Variants in MYO16 observed in about 807,000 individuals in gnomAD.
MYO16 encodes the protein myosin XVI.
A neutral mutation model predicts 205.3 loss-of-function variants in MYO16; 94 were observed. That is an observed-to-expected ratio of 0.46 (90% confidence interval 0.39 to 0.54). The LOEUF is 0.54. Ranked by LOEUF, MYO16 falls within the 20% of genes least tolerant of loss-of-function variation. MYO16 has a pLI of 0.00. For missense variants in MYO16, 2,315 were observed against 2,387.5 expected (o/e 0.97, Z 0.63); for synonymous variants, 988 against 954.0 (o/e 1.04, Z -0.66).
At chr13:108,790,138 G>C (rs948654357) in intron 5 of MYO16, among the ~76,000 whole-genome samples, 1 of 152,194 alleles carries the variant, frequency 6.6e-6, no homozygotes, top group African/African-American at 2.4e-5. Context: ...TCGGGAGAGC[G>C]CGCAGCTGTG....
rs76765232 is a variant in MYO16, at chr13:108,962,895, G to T, written c.2227+400G>T. Among the ~76,000 whole-genome samples, 528 of 152,366 alleles carry T rather than the reference G, an allele frequency of 3.5e-3. 1 individual carries two copies. Among genetic ancestry groups the T allele is most frequent in the Admixed American group, 5.9e-3 (91 of 15,300 alleles). On this transcript the variant is annotated intron_variant, in intron 19 of 34. Coordinates refer to ENST00000457511, the MANE Select transcript of MYO16 (RefSeq NM_001198950.3). ...ACATATATAAACTGATAGGCATTGT[G>T]CCAAGTCCTATAAAAATTGTAGTGT...
chr13:109,034,642 A>C (rs1318120498), intron 23 of MYO16, among the ~76,000 whole-genome samples: 1 of 152,200 alleles, frequency 6.6e-6, no homozygotes, highest in Non-Finnish European at 1.5e-5. Flanking sequence ...TATTTTACAA[A>C]ATATTTTTAA....
Position 109,140,848 on chromosome 13 carries a change from A to G in MYO16, c.4636A>G (p.Thr1546Ala), listed in dbSNP as rs1417417850. The G allele has an allele frequency of 3.8e-6, 6 of 1,596,606 alleles. No individual in the cohort carries two copies. Among genetic ancestry groups the G allele is most frequent in the Admixed American group, 1.7e-5 (1 of 58,678 alleles). The change falls in exon 32 of 35, where the codon ACC (threonine) becomes GCC (alanine). Residue 1546 changes from threonine to alanine, a missense_variant. Transcript: ENST00000457511. The surrounding 1 kb of genome is among the most constrained non-coding windows in gnomAD (Gnocchi z 8.0). ...LEVKKLPVLE[T>A]NLKYPVQPEG... ...GGTGAAGAAGCTGCCAGTCCTGGAG[A>G]CCAACCTCAAGTACCCCGTGCAGCC...
At chr13:109,202,888 C>T (rs1375440537) in intron 34 of MYO16, among the ~76,000 whole-genome samples, 1 of 152,164 alleles carries the variant, frequency 6.6e-6, no homozygotes, top group Non-Finnish European at 1.5e-5. Context: ...CCCAGAAATA[C>T]ACCCAAATAC....
At chr13:108,979,408 G>A (rs1884380642) in intron 20 of MYO16, among the ~76,000 whole-genome samples, 1 of 151,724 alleles carries the variant, frequency 6.6e-6, no homozygotes, top group Non-Finnish European at 1.5e-5. Context: ...TTGTCTTTAT[G>A]TTCTTTCAGA....
At chr13:109,151,793 T>C (rs915632526) in intron 32 of MYO16, among the ~76,000 whole-genome samples, 3 of 152,162 alleles carry the variant, frequency 2.0e-5, no homozygotes, top group Non-Finnish European at 2.9e-5. Context: ...GGCAAAGCAA[T>C]GAGTGAAAAC....
At chr13:108,835,467 G>C (rs1003630447) in intron 9 of MYO16, among the ~76,000 whole-genome samples, 22 of 152,264 alleles carry the variant, frequency 1.4e-4, no homozygotes, top group Admixed American at 5.2e-4. Context: ...AGCAGCATGA[G>C]AACAGACTAA....
chr13:108,922,578 G>A (rs920207958), intron 16 of MYO16, among the ~76,000 whole-genome samples: 3 of 152,178 alleles, frequency 2.0e-5, no homozygotes, highest in Non-Finnish European at 2.9e-5. Context: ...CAGAGATGGC[G>A]AAGTCAATAA....
At chr13:108,926,501 G>A (rs557688987) in intron 16 of MYO16, among the ~76,000 whole-genome samples, 19 of 152,090 alleles carry the variant, frequency 1.2e-4, no homozygotes, top group Non-Finnish European at 2.4e-4. Context: ...AGGAGGCATC[G>A]TGCTCAGGCG....
At chr13:109,191,765 C>A (rs926060835) in intron 34 of MYO16, among the ~76,000 whole-genome samples, 4 of 152,190 alleles carry the variant, frequency 2.6e-5, no homozygotes, top group African/African-American at 9.7e-5. Flanking sequence ...CAGTTATGAA[C>A]TACGGCAAGA....
chr13:108,945,468 A>G (rs113158252), intron 16 of MYO16, among the ~76,000 whole-genome samples: 4,889 of 152,290 alleles, frequency 0.032, 93 homozygotes, highest in Non-Finnish European at 0.047. Flanking sequence ...TCTGAAACAC[A>G]TCCTTGACTA....
chr13:109,146,433 A>G (rs1047127343), intron 32 of MYO16, among the ~76,000 whole-genome samples: 1 of 152,178 alleles, frequency 6.6e-6, no homozygotes, highest in African/African-American at 2.4e-5. Flanking sequence ...ATCCTATTTC[A>G]TCTCTACTCC....
chr13:109,065,618 G>A (rs763911981), intron 27 of MYO16: 22 of 463,586 alleles, frequency 4.7e-5, no homozygotes, highest in African/African-American at 4.1e-4. Flanking sequence ...CTTTCCCAAA[G>A]CTGCCTTTAT....
At chr13:108,776,588 C>T (rs1293281509) in intron 4 of MYO16, among the ~76,000 whole-genome samples, 1 of 152,106 alleles carries the variant, frequency 6.6e-6, no homozygotes. Flanking sequence ...TGTAGCACTC[C>T]AATAAAACTG....
chr13:108,633,871 C>T (rs916586057), intron 1 of MYO16, among the ~76,000 whole-genome samples: 14 of 152,290 alleles, frequency 9.2e-5, no homozygotes, highest in Admixed American at 9.2e-4. Flanking sequence ...ACTAACACAC[C>T]CAGAAGCTGC....
At chr13:108,965,374 G>A (rs1883754875) in intron 20 of MYO16, among the ~76,000 whole-genome samples, 1 of 152,026 alleles carries the variant, frequency 6.6e-6, no homozygotes, top group South Asian at 2.1e-4. Context: ...GGTCTCTATG[G>A]TAATCATTTT....
At position 108,629,699 on chromosome 13, in the gene MYO16, A is replaced by G. The variant is rs1879886667; in HGVS notation, c.-146A>G. 2 of 671,134 alleles carry G rather than the reference A, an allele frequency of 3.0e-6. No homozygotes were observed. The highest frequency in any genetic ancestry group is 2.8e-5 in the East Asian group (1 of 35,624). 41.6% of individuals were successfully genotyped at this position (671,134 alleles called of 1,614,324 possible). On this transcript the variant is annotated 5_prime_UTR_variant, in exon 1 of 35. It removes an upstream start codon present in the reference 5' UTR. Transcript: ENST00000457511. ...TGAGTTTGAAGCTTTTTGCAGGATC[A>G]TGGAACAGAGCCTCCATGCAATAGT...
At chr13:108,866,710 T>A (rs1878733600) in intron 12 of MYO16, among the ~76,000 whole-genome samples, 1 of 152,182 alleles carries the variant, frequency 6.6e-6, no homozygotes, top group African/African-American at 2.4e-5. Context: ...GAGAAATTAC[T>A]TGTAGAAAAT....
intron 27 of MYO16, among the ~76,000 whole-genome samples, chr13:109,058,636 TG>T (rs1215483438): frequency 4.6e-5 from 7 of 152,198 alleles, no homozygotes; most frequent in African/African-American, 1.7e-4. Context: ...ATAATCTTTT[TG>T]CTGGTGGAGG....
Sources: gnomAD v4.1 joint callset for allele counts (sites outside exome capture counted in the v4.1 genomes callset) on GRCh38, gnomAD v4.1.1 for gene constraint, Gnocchi (gnomAD v3.1) non-coding constraint, MANE v1.5 for transcripts, NCBI Gene and HGNC (gene_info 2026-07-23, HGNC 2026-07-21) for gene names.